The following LMO7 variants were observed in gnomAD, a reference collection of about 807,000 sequenced individuals.
LMO7 encodes the protein LIM domain 7.
A neutral mutation model predicts 206.5 loss-of-function variants in LMO7; 120 were observed. The observed-to-expected ratio is 0.58, with a 90% CI of 0.50 to 0.68. The LOEUF (loss-of-function observed/expected upper bound fraction) is 0.68, where lower values mean the gene tolerates loss of function less well. Ranked by LOEUF, LMO7 falls within the 30% of genes least tolerant of loss-of-function variation. The pLI is 0.00. For missense variants in LMO7, 1,959 were observed against 1,957.9 expected (o/e 1.00, Z -0.01); for synonymous variants, 706 against 681.5 (o/e 1.04, Z -0.56).
In LMO7 at chr13:75,760,985, C is replaced by G; in HGVS notation, c.264C>G (p.Ala88=). The G allele has an allele frequency of 6.2e-7, 1 of 1,613,020 alleles. No individual in the cohort carries two copies. Among genetic ancestry groups the G allele is most frequent in the Non-Finnish European group, 8.5e-7 (1 of 1,179,602 alleles). ...GTGAACAGATTGGATTGAAAGAAGCCCAGCTTTTCCATCCTGGAGATCTAC... is the reference window on the plus strand; with the variant it reads ...GTGAACAGATTGGATTGAAAGAAGCGCAGCTTTTCCATCCTGGAGATCTAC... The part of the protein sequence containing the change: ...KACEQIGLKE[A]QLFHPGDLQD... The change falls in exon 4 of 31, where the codon GCC becomes GCG. Residue 88 remains alanine, a synonymous_variant. Coordinates refer to ENST00000377534, the MANE Select transcript of LMO7 (RefSeq NM_001306080.2).
At chr13:75,829,196 A>G (rs1028017172) in intron 15 of LMO7, among the ~76,000 whole-genome samples, 4 of 152,156 alleles carry the variant, frequency 2.6e-5, no homozygotes, top group Non-Finnish European at 5.9e-5. Context: ...AAAAAGAGGA[A>G]CATGCTAATG....
At chr13:75,839,203 T>C (rs1052751276) in intron 20 of LMO7, among the ~76,000 whole-genome samples, 1 of 152,214 alleles carries the variant, frequency 6.6e-6, no homozygotes, top group Non-Finnish European at 1.5e-5. Context: ...TCTATGGCTA[T>C]TTAATTGAAA....
chr13:75,775,652 A>G (rs2050274324), intron 4 of LMO7, among the ~76,000 whole-genome samples: 1 of 152,188 alleles, frequency 6.6e-6, no homozygotes. Context: ...GGACTTGAAC[A>G]GACATTTTTC....
intron 4 of LMO7, among the ~76,000 whole-genome samples, chr13:75,792,783 G>T (rs2053481906): frequency 6.6e-6 from 1 of 152,130 alleles, no homozygotes; most frequent in Non-Finnish European, 1.5e-5. Context: ...TTCAGAGATA[G>T]GACACTAATT....
At chr13:75,793,332 G>T (rs905144460) in intron 4 of LMO7, among the ~76,000 whole-genome samples, 1 of 152,154 alleles carries the variant, frequency 6.6e-6, no homozygotes, top group Non-Finnish European at 1.5e-5. Context: ...CTGGAATGCA[G>T]TGGCGCAATC....
chr13:75,682,005 G>T (rs1366547624), intron 1 of LMO7, among the ~76,000 whole-genome samples: 1 of 151,946 alleles, frequency 6.6e-6, no homozygotes, highest in Non-Finnish European at 1.5e-5. Context: ...ATACTGAAGA[G>T]TGGGATTGAT....
upstream of LMO7, chr13:75,636,028 G>C (rs1414860757): frequency 6.5e-6 from 1 of 154,612 alleles, no homozygotes; most frequent in Non-Finnish European, 1.4e-5. Flanking sequence ...AGGGGCCCGG[G>C]AGAGGGCAGG....
chr13:75,785,597 CAA>C (rs2052305239), intron 4 of LMO7, among the ~76,000 whole-genome samples: 3 of 152,104 alleles, frequency 2.0e-5, no homozygotes, highest in Non-Finnish European at 4.4e-5. Context: ...ATAAATTTTT[CAA>C]AGTTTAAGTA....
intron 9 of LMO7, chr13:75,806,264 G>T (rs889419276): frequency 5.1e-5 from 50 of 988,864 alleles, no homozygotes; most frequent in Non-Finnish European, 5.8e-5. Flanking sequence ...GAGCCCAGGT[G>T]CCCCTGTCTG....
chr13:75,704,912 A>G (rs534365738), intron 1 of LMO7, among the ~76,000 whole-genome samples: 2 of 152,386 alleles, frequency 1.3e-5, no homozygotes, highest in East Asian at 1.9e-4. Context: ...TCATAGCTAA[A>G]GAAATGGGGT....
intron 18 of LMO7, 122 bp from the exon 19 acceptor site, chr13:75,836,275 A>C (rs1404629781): frequency 6.5e-6 from 4 of 614,860 alleles, no homozygotes; most frequent in African/African-American, 2.0e-5. Flanking sequence ...GGCTGTAAGG[A>C]ATGCATCAAT....
At chr13:75,704,706 G>T (rs2042526699) in intron 1 of LMO7, among the ~76,000 whole-genome samples, 1 of 152,182 alleles carries the variant, frequency 6.6e-6, no homozygotes, top group Non-Finnish European at 1.5e-5. Flanking sequence ...TGGTCTTCAA[G>T]AAGCTCCCAG....
chr13:75,817,246 C>T lies in LMO7; in HGVS notation c.2032C>T (p.Gln678Ter). ...CGAGGAGATGCAGAAAATAAAATCA[C>T]AATTAAAAGAACAAGATCAGAAATG... ...RYEEMQKIKS[Q>*]LKEQDQKWQD... The change falls in exon 12 of 31, where the codon CAA becomes TAA. Residue 678 changes from glutamine to a stop codon, truncating the protein, a stop_gained. Coordinates refer to ENST00000377534, the MANE Select transcript of LMO7 (RefSeq NM_001306080.2). LOFTEE classifies it high-confidence loss of function. 6.2e-7 allele frequency: 1 copy of T among 1,612,654 alleles called. No homozygotes were observed. Among genetic ancestry groups the T allele is most frequent in the African/African-American group, 1.3e-5 (1 of 74,980 alleles).
At chr13:75,822,655 A>C (rs1210280475) in intron 14 of LMO7, among the ~76,000 whole-genome samples, 8 of 151,280 alleles carry the variant, frequency 5.3e-5, no homozygotes. Flanking sequence ...ATCAGAGTGA[A>C]ATAGACTTAA....
chr13:75,808,668 C>G (rs1318228210), intron 10 of LMO7, among the ~76,000 whole-genome samples: 1 of 152,126 alleles, frequency 6.6e-6, no homozygotes, highest in Non-Finnish European at 1.5e-5. Flanking sequence ...CTTGGACTAT[C>G]ATTTGTAACT....
intron 8 of LMO7, 32 bp downstream of exon 8, chr13:75,804,573 T>C (rs1555329477): frequency 6.3e-6 from 10 of 1,597,338 alleles, no homozygotes; most frequent in Non-Finnish European, 8.5e-6. Flanking sequence ...TTGAGTTTCG[T>C]ATGCTTTTCG....
chr13:75,807,206 TC>T (rs2055639488), intron 9 of LMO7: 1 of 394,848 alleles, frequency 2.5e-6, no homozygotes, highest in East Asian at 4.6e-5. Context: ...TAGTCCATGC[TC>T]CAGCCCCATC....
chr13:75,733,716 C>T (rs888856042), intron 3 of LMO7, among the ~76,000 whole-genome samples: 30 of 152,234 alleles, frequency 2.0e-4, no homozygotes, highest in African/African-American at 3.4e-4. Flanking sequence ...CCGTCTTCTG[C>T]GTCGCTCATG....
chr13:75,858,182 G>A lies in LMO7; in HGVS notation c.*239G>A. The A allele has an allele frequency of 2.6e-6, 1 of 390,232 alleles. No individual in the cohort carries two copies. 24.2% of individuals were successfully genotyped at this position (390,232 alleles called of 1,614,324 possible). ...GTGCAGTATTTACCTGTTGAATTCAGCATCTTGAGAGCACAAGGGAAAAAA... is the reference window on the plus strand; with the variant it reads ...GTGCAGTATTTACCTGTTGAATTCAACATCTTGAGAGCACAAGGGAAAAAA... On this transcript the variant is annotated 3_prime_UTR_variant, in exon 31 of 31. Coordinates refer to ENST00000377534, the MANE Select transcript of LMO7 (RefSeq NM_001306080.2).
Sources: allele counts gnomAD v4.1 joint callset (sites outside exome capture counted in the v4.1 genomes callset), GRCh38; gene constraint gnomAD v4.1.1; transcripts MANE v1.5; gene names NCBI Gene and HGNC (gene_info 2026-07-23, HGNC 2026-07-21).